Variants in FRS2 observed in about 807,000 individuals in gnomAD.
FRS2 encodes the protein fibroblast growth factor receptor substrate 2.
A neutral mutation model predicts 43.9 loss-of-function variants in FRS2; 8 were observed. The ratio of observed to expected loss-of-function variants is 0.18; its 90% CI spans 0.11 to 0.33. FRS2 has a LOEUF of 0.33. FRS2 is among the 10% of genes least tolerant of loss of function. The pLI is 1.00. For missense variants in FRS2, 534 were observed against 627.6 expected, an observed-to-expected ratio of 0.85 and a Z score of 1.59; for synonymous variants, 219 against 220.3, an observed-to-expected ratio of 0.99 and a Z score of 0.05.
chr12:69,542,941 C>G lies in FRS2; in HGVS notation c.-122+10885C>G, dbSNP rs182384356. Reference sequence around the variant, plus strand: ...TGTGGCTTGGATAATGACTCTTAGGCAGTTAACTTACCTAGATAGTGTCTT... The same window carrying G: ...TGTGGCTTGGATAATGACTCTTAGGGAGTTAACTTACCTAGATAGTGTCTT... On this transcript the variant is annotated intron_variant, in intron 3 of 8. Transcript: ENST00000549921. 6.6e-5 allele frequency among the ~76,000 whole-genome samples: 10 copies of G among 152,276 alleles called. No individual in the cohort carries two copies. The East Asian group carries it at 1.9e-3, about 29-fold the overall frequency.
At chr12:69,573,892 GAGAA>G in intron 8 of FRS2, 109 bp from the exon 9 acceptor site, 1 of 645,344 alleles carries the variant, frequency 1.5e-6, no homozygotes, top group East Asian at 2.7e-5. Flanking sequence ...TACATTTGGA[GAGAA>G]AGTTAATACA....
intron 1 of FRS2, among the ~76,000 whole-genome samples, chr12:69,495,324 A>G (rs958960116): frequency 3.3e-5 from 5 of 152,192 alleles, no homozygotes; most frequent in African/African-American, 7.2e-5. Context: ...AAACAAACCT[A>G]TTGCTTCAAA....
chr12:69,488,260 C>T (rs1430275208), intron 1 of FRS2, among the ~76,000 whole-genome samples: 2 of 152,098 alleles, frequency 1.3e-5, no homozygotes, highest in African/African-American at 2.4e-5. Context: ...TCATTTGATG[C>T]GGCAAGTGAT....
intron 1 of FRS2, among the ~76,000 whole-genome samples, chr12:69,481,373 T>C (rs1257021730): frequency 1.3e-5 from 2 of 151,752 alleles, no homozygotes; most frequent in Admixed American, 6.6e-5. Flanking sequence ...CTTGAACTCC[T>C]AGGCTCAAGA....
At position 69,479,390 on chromosome 12, in the gene FRS2, C is replaced by CTTTTTTTTTTTTTTTTTTTT. The variant is rs57688271; in HGVS notation, c.-261+8877_-261+8878insTTTTTTTTTTTTTTTTTTTT. On this transcript the variant is annotated intron_variant, in intron 1 of 8. Coordinates refer to ENST00000549921, the MANE Select transcript of FRS2 (RefSeq NM_001278356.2). ...GTCCTTTACAGTTAATCTGTTGTTT[C>CTTTTTTTTTTTTTTTTTTTT]TTTTTTTTTTTTTTTTTCTTTTTTT... Among the ~76,000 whole-genome samples the CTTTTTTTTTTTTTTTTTTTT allele has an allele frequency of 5.0e-5, 6 of 119,700 alleles. 1 individual carries two copies. The highest frequency in any genetic ancestry group is 8.5e-5 in the Non-Finnish European group (5 of 58,892). 78.5% of individuals were successfully genotyped at this position (119,700 alleles called of 152,430 possible). A position where few individuals can be genotyped will look rare whatever the true frequency, so the allele number is the denominator to read the frequency against.
intron 1 of FRS2, among the ~76,000 whole-genome samples, chr12:69,505,856 A>G (rs1037141309): frequency 2.6e-5 from 4 of 152,192 alleles, no homozygotes; most frequent in African/African-American, 7.2e-5. Context: ...TTAGTTTCCA[A>G]TGCAGATTCC....
At chr12:69,553,169 A>G (rs1051808083) in intron 3 of FRS2, among the ~76,000 whole-genome samples, 2 of 152,018 alleles carry the variant, frequency 1.3e-5, no homozygotes, top group Non-Finnish European at 2.9e-5. Context: ...CCTCCCAGGT[A>G]CACAAGATTC....
chr12:69,528,016 G>T (rs908816999), intron 1 of FRS2, among the ~76,000 whole-genome samples: 2 of 152,314 alleles, frequency 1.3e-5, no homozygotes, highest in East Asian at 3.9e-4. Context: ...TCAGATGAAA[G>T]GTATGTGGAT....
At chr12:69,504,448 AAAAC>A (rs1673972342) in intron 1 of FRS2, among the ~76,000 whole-genome samples, 1 of 152,216 alleles carries the variant, frequency 6.6e-6, no homozygotes, top group South Asian at 2.1e-4. Flanking sequence ...AACACCAAAT[AAAAC>A]AAAGTACAGA....
chr12:69,523,331 G>T (rs1339996234), intron 1 of FRS2, among the ~76,000 whole-genome samples: 1 of 152,116 alleles, frequency 6.6e-6, no homozygotes, highest in Non-Finnish European at 1.5e-5. Flanking sequence ...TTACCGTTAT[G>T]TAATGCCCTT....
Position 69,474,426 on chromosome 12 carries a change from G to GAA in FRS2, c.-261+3905_-261+3906dup, listed in dbSNP as rs34089605. On this transcript the variant is annotated intron_variant, in intron 1 of 8. Transcript: ENST00000549921. Reference sequence around the variant, plus strand: ...GCCAAGGGAGAATGTAGAGGGGAAAGAAAAAAAAAACTTCTGTTTTAAATG... The same window carrying GAA: ...GCCAAGGGAGAATGTAGAGGGGAAAGAAAAAAAAAAAACTTCTGTTTTAAATG... Among the ~76,000 whole-genome samples the GAA allele has an allele frequency of 7.1e-3, 1,057 of 149,252 alleles. 11 individuals are homozygous for GAA. Among genetic ancestry groups the GAA allele is most frequent in the African/African-American group, 0.023 (935 of 40,762 alleles).
intron 1 of FRS2, among the ~76,000 whole-genome samples, chr12:69,521,970 G>A (rs1374231484): frequency 3.9e-5 from 6 of 152,264 alleles, no homozygotes; most frequent in Admixed American, 1.3e-4. Flanking sequence ...CCTTTTCTGC[G>A]TCTATTGAAT....
Position 69,577,101 on chromosome 12 carries a change from A to G in FRS2, c.*2146A>G, listed in dbSNP as rs1881243822. On this transcript the variant is annotated 3_prime_UTR_variant, in exon 9 of 9. Transcript: ENST00000549921. ...ATTCATTTTGGAGGTTGGGTACTTT[A>G]TTCTTTCTTTCCGTCATCCTTTTCA... 6.6e-6 allele frequency: 1 copy of G among 152,272 alleles called. No individual in the cohort carries two copies. Among genetic ancestry groups the G allele is most frequent in the African/African-American group, 2.4e-5 (1 of 41,432 alleles). 9.4% of individuals were successfully genotyped at this position (152,272 alleles called of 1,614,324 possible).
intron 3 of FRS2, among the ~76,000 whole-genome samples, chr12:69,557,615 T>TGCGCGC (rs1232641732): frequency 8.2e-6 from 1 of 121,958 alleles, no homozygotes; most frequent in South Asian, 3.5e-4. Flanking sequence ...TGTGTGTGTG[T>TGCGCGC]GTGTGCGCGC....
intron 1 of FRS2, among the ~76,000 whole-genome samples, chr12:69,508,567 T>C (rs1422841464): frequency 6.6e-6 from 1 of 152,244 alleles, no homozygotes; most frequent in Non-Finnish European, 1.5e-5. Flanking sequence ...ATCTTCTGGT[T>C]ACCTTTCTAA....
chr12:69,542,468 C>T (rs1469164537), intron 3 of FRS2, among the ~76,000 whole-genome samples: 4 of 151,774 alleles, frequency 2.6e-5, no homozygotes, highest in African/African-American at 4.8e-5. Flanking sequence ...TTAAAGTATG[C>T]AGGAAAAAAG....
intron 3 of FRS2, among the ~76,000 whole-genome samples, chr12:69,538,910 A>C (rs1877601743): frequency 6.6e-6 from 1 of 152,194 alleles, no homozygotes; most frequent in Non-Finnish European, 1.5e-5. Flanking sequence ...TCTCCACAAA[A>C]TAACATAACA....
chr12:69,547,006 A>G (rs1878468706), intron 3 of FRS2, among the ~76,000 whole-genome samples: 1 of 152,252 alleles, frequency 6.6e-6, no homozygotes, highest in African/African-American at 2.4e-5. Context: ...AATGTGGTAT[A>G]TACATGCAGT....
chr12:69,538,404 G>A (rs896701875), intron 3 of FRS2, among the ~76,000 whole-genome samples: 2 of 151,300 alleles, frequency 1.3e-5, no homozygotes, highest in Admixed American at 6.6e-5. Context: ...GCTAATCGGC[G>A]GTCTCCCATT....
Sources: gnomAD v4.1 joint callset for allele counts (sites outside exome capture counted in the v4.1 genomes callset) on GRCh38, gnomAD v4.1.1 for gene constraint, MANE v1.5 for transcripts, NCBI Gene and HGNC (gene_info 2026-07-23, HGNC 2026-07-21) for gene names.